KIAA2012: variants seen among roughly 807,000 people sequenced by gnomAD.
KIAA2012 encodes the protein KIAA2012.
In KIAA2012, 125 loss-of-function variants were observed where a neutral mutation model predicts 150.6. The observed-to-expected ratio is 0.83, with a 90% CI of 0.72 to 0.96. The LOEUF (loss-of-function observed/expected upper bound fraction) is 0.96, where lower values mean the gene tolerates loss of function less well. Among genes scored for constraint, KIAA2012 ranks in the 40% least tolerant of loss-of-function variants. KIAA2012 has a pLI of 0.00. For missense variants in KIAA2012, 1,219 were observed against 1,354.9 expected, an observed-to-expected ratio of 0.90 and a Z score of 1.57; for synonymous variants, 462 against 504.7, an observed-to-expected ratio of 0.92 and a Z score of 1.13.
intron 15 of KIAA2012, chr2:202,179,403 G>C: frequency 2.6e-6 from 2 of 756,060 alleles, no homozygotes; most frequent in South Asian, 2.7e-5. Context: ...CTGTCAGTGG[G>C]AATTAAAGCG....
chr2:202,142,221 A>C (rs890301167), intron 13 of KIAA2012, among the ~76,000 whole-genome samples: 3 of 152,252 alleles, frequency 2.0e-5, no homozygotes, highest in African/African-American at 7.2e-5. Flanking sequence ...GGGCTGCCAG[A>C]GTTTTGGTAA....
At chr2:202,179,874 C>T (rs141837175) in intron 15 of KIAA2012, 2 of 674,592 alleles carry the variant, frequency 3.0e-6, no homozygotes, top group Non-Finnish European at 5.4e-6. Context: ...CCATGTTAAC[C>T]CTAAAGGAAA....
intron 13 of KIAA2012, among the ~76,000 whole-genome samples, chr2:202,150,318 T>A (rs1182641586): frequency 6.6e-6 from 1 of 152,246 alleles, no homozygotes; most frequent in South Asian, 2.1e-4. Context: ...CATAAAAATA[T>A]TAAAGTATTT....
rs747968480 is a variant in KIAA2012, at chr2:202,165,350, G to T, written c.2113G>T (p.Asp705Tyr). 1.9e-6 allele frequency: 3 copies of T among 1,549,976 alleles called. No homozygotes were observed. The South Asian group carries it at 3.6e-5, about 18-fold the overall frequency. The change falls in exon 15 of 24, where the codon GAC (aspartate) becomes TAC (tyrosine). Residue 705 changes from aspartate (D) to tyrosine (Y), a missense_variant. By Grantham distance (160) the Asp-to-Tyr change is radical. Coordinates refer to ENST00000498697, the MANE Select transcript of KIAA2012 (RefSeq NM_001277372.4). ...ACCCCTCAGAGAAACTCACCACAAC[G>T]ACCAAGGTACAGACCACTAGGTGGG... The part of the protein sequence containing the change: ...GRPLRETHHN[D>Y]QDPEPRSMTL...
At chr2:202,114,348 T>C (rs1368051023) in intron 11 of KIAA2012, 2 of 167,096 alleles carry the variant, frequency 1.2e-5, no homozygotes, top group Admixed American at 6.5e-5. Flanking sequence ...GAAAGTAGAA[T>C]GTATTTGATT....
intron 14 of KIAA2012, among the ~76,000 whole-genome samples, chr2:202,163,315 G>A (rs1159992455): frequency 1.3e-5 from 2 of 151,742 alleles, no homozygotes; most frequent in Admixed American, 1.3e-4. Flanking sequence ...TGTTGGCCAG[G>A]CTGGTCTCGA....
intron 11 of KIAA2012, among the ~76,000 whole-genome samples, chr2:202,124,833 G>C (rs1690741657): frequency 6.6e-6 from 1 of 152,172 alleles, no homozygotes. Context: ...ACTTTGGGAG[G>C]CTGAGGTGGG....
intron 11 of KIAA2012, among the ~76,000 whole-genome samples, chr2:202,121,850 C>G (rs1690661291): frequency 6.6e-6 from 1 of 152,200 alleles, no homozygotes; most frequent in Non-Finnish European, 1.5e-5. Context: ...TCACAGAGGC[C>G]TAAGAGCACA....
chr2:202,195,674 A>G (rs1045128118), intron 21 of KIAA2012, among the ~76,000 whole-genome samples: 1 of 151,686 alleles, frequency 6.6e-6, no homozygotes, highest in Non-Finnish European at 1.5e-5. Context: ...CTCCCTACCC[A>G]CCTCCACCAA....
In KIAA2012 at chr2:202,125,279, A is replaced by G; in HGVS notation, c.1828A>G (p.Lys610Glu). The change falls in exon 12 of 24, where the codon AAA becomes GAA. Residue 610 changes from lysine (K) to glutamate (E), a missense_variant. Physicochemically the swap from Lys to Glu is moderately conservative, Grantham distance 56. Transcript: ENST00000498697. ...AGGGCCTAGTAGTCAGCATTTCCTA[A>G]AAGGTAAGCTTTTCCACTAAAAAGT... Reference protein sequence around the residue: ...EEGPSSQHFLKANTEPRANLH... With the variant: ...EEGPSSQHFLEANTEPRANLH... The G allele has an allele frequency of 1.9e-6, 3 of 1,549,616 alleles. No homozygotes were observed. The highest frequency in any genetic ancestry group is 2.4e-5 in the South Asian group (2 of 83,930).
intron 12 of KIAA2012, among the ~76,000 whole-genome samples, chr2:202,133,618 T>C (rs1046654427): frequency 6.6e-6 from 1 of 152,214 alleles, no homozygotes; most frequent in Non-Finnish European, 1.5e-5. Context: ...GACTCCCTAG[T>C]TAGAGCTCCC....
chr2:202,132,768 A>ATGTG (rs1553556853), intron 12 of KIAA2012, among the ~76,000 whole-genome samples: 4 of 43,466 alleles, frequency 9.2e-5, no homozygotes, highest in Non-Finnish European at 1.8e-4. Context: ...ATATATATAC[A>ATGTG]TATATACATA....
At chr2:202,121,578 A>G (rs16838862) in intron 11 of KIAA2012, among the ~76,000 whole-genome samples, 4,944 of 152,276 alleles carry the variant, frequency 0.032, 257 homozygotes, top group African/African-American at 0.11. Flanking sequence ...TATGCATGTC[A>G]TCTTGTTCCC....
intron 12 of KIAA2012, among the ~76,000 whole-genome samples, chr2:202,129,020 C>T (rs1690863088): frequency 6.6e-6 from 1 of 151,940 alleles, no homozygotes; most frequent in Non-Finnish European, 1.5e-5. Flanking sequence ...AATTGCTTCT[C>T]CTGCCAGCGG....
At chr2:202,155,592 A>G (rs1235621109) in intron 14 of KIAA2012, among the ~76,000 whole-genome samples, 1 of 152,246 alleles carries the variant, frequency 6.6e-6, no homozygotes, top group Non-Finnish European at 1.5e-5. Context: ...GATCCTTCAT[A>G]GTACCCTTGA....
chr2:202,073,379 A>G lies in KIAA2012; in HGVS notation c.-249A>G, dbSNP rs1477796833. On this transcript the variant is annotated 5_prime_UTR_variant, in exon 1 of 24. Coordinates refer to ENST00000498697, the MANE Select transcript of KIAA2012 (RefSeq NM_001277372.4). ...GAGACAGGTCGCCCAGAGAGTAGACAATCCAGGGCTTGAGGAGGCTGGCTG... is the reference window on the plus strand; with the variant it reads ...GAGACAGGTCGCCCAGAGAGTAGACGATCCAGGGCTTGAGGAGGCTGGCTG... 7.1e-6 allele frequency: 3 copies of G among 423,766 alleles called. No individual in the cohort carries two copies. The highest frequency in any genetic ancestry group is 1.3e-5 in the Non-Finnish European group (3 of 233,812). 26.3% of individuals were successfully genotyped at this position (423,766 alleles called of 1,614,324 possible). A position where few individuals can be genotyped will look rare whatever the true frequency, so the allele number is the denominator to read the frequency against.
intron 13 of KIAA2012, among the ~76,000 whole-genome samples, chr2:202,153,741 G>A (rs1279988989): frequency 6.6e-6 from 1 of 152,170 alleles, no homozygotes; most frequent in Non-Finnish European, 1.5e-5. Context: ...TCTTCATGAG[G>A]GTGGAGACTT....
At chr2:202,175,033 A>G (rs1044433476) in intron 15 of KIAA2012, among the ~76,000 whole-genome samples, 1 of 152,218 alleles carries the variant, frequency 6.6e-6, no homozygotes, top group South Asian at 2.1e-4. Context: ...GAATTTGCAA[A>G]CCAACTGTTT....
intron 11 of KIAA2012, among the ~76,000 whole-genome samples, chr2:202,124,560 C>T (rs564347220): frequency 1.3e-5 from 2 of 152,326 alleles, no homozygotes; most frequent in South Asian, 4.1e-4. Flanking sequence ...CACTGAGACA[C>T]AGCTGCTGTT....
Sources: allele counts gnomAD v4.1 joint callset (sites outside exome capture counted in the v4.1 genomes callset), GRCh38; gene constraint gnomAD v4.1.1; transcripts MANE v1.5; gene names NCBI Gene and HGNC (gene_info 2026-07-23, HGNC 2026-07-21).